The following KLK11 variants were observed in gnomAD, a reference collection of about 807,000 sequenced individuals.
KLK11 encodes kallikrein related peptidase 11.
In KLK11, 10 loss-of-function variants were observed where a neutral mutation model predicts 23.4. The ratio of observed to expected loss-of-function variants is 0.43; its 90% CI spans 0.26 to 0.73. The LOEUF is 0.73. Among genes scored for constraint, KLK11 ranks in the 30% least tolerant of loss-of-function variants. The pLI, the probability that KLK11 is intolerant of heterozygous loss-of-function variation, is 0.22. For synonymous variants in KLK11, 131 were observed against 131.7 expected, an observed-to-expected ratio of 0.99 and a Z score of 0.03; for missense variants, 285 against 327.8, an observed-to-expected ratio of 0.87 and a Z score of 1.01.
chr19:51,022,422 G>T lies in KLK11; in HGVS notation c.*123C>A. 1 of 1,133,270 alleles carries T rather than the reference G, an allele frequency of 8.8e-7. No homozygotes were observed. The highest frequency in any genetic ancestry group is 1.3e-6 in the Non-Finnish European group (1 of 756,804). 70.2% of individuals were successfully genotyped at this position (1,133,270 alleles called of 1,614,324 possible). On this transcript the variant is annotated 3_prime_UTR_variant, in exon 6 of 6. Coordinates refer to ENST00000453757, the MANE Select transcript of KLK11 (RefSeq NM_001136032.3). ...TTATTAAGTGACAGCATCTCCTGTA[G>T]TCCAGGAGGCCCAAAGAATGTTCGT... is the stretch of plus-strand genomic sequence containing the variant.
rs760859432 is a variant in KLK11, at chr19:51,022,630, G to A, written c.668C>T (p.Pro223Leu). 2.2e-5 allele frequency: 36 copies of A among 1,613,768 alleles called. No individual in the cohort carries two copies. Among genetic ancestry groups the A allele is most frequent in the Middle Eastern group, 1.7e-4 (1 of 5,760 alleles). Residue 223 changes from proline to leucine, a missense_variant, in exon 6 of 6, where the codon CCG (proline) becomes CTG (leucine). Coordinates refer to ENST00000453757, the MANE Select transcript of KLK11 (RefSeq NM_001136032.3). ...LQGIISWGQDPCAITRKPGVY... is the reference protein window; with the variant it reads ...LQGIISWGQDLCAITRKPGVY... The stretch of plus-strand genomic sequence containing the variant: ...ACCAGGCTTTCGGGTGATCGCACAC[G>A]GATCCTGGCCCCAGGAGATAATGCC...
At chr19:51,026,645 G>A, upstream of KLK11, 2 of 982,814 alleles carry the variant, frequency 2.0e-6, no homozygotes, top group Non-Finnish European at 2.4e-6. Context: ...CACCAGGCAG[G>A]CGGGCTGGCA....
upstream of KLK11, chr19:51,027,426 C>G: frequency 6.2e-7 from 1 of 1,611,670 alleles, no homozygotes; most frequent in Non-Finnish European, 8.5e-7. Context: ...TCCCTGCCGC[C>G]CAGGCAGCCC....
rs984074861 is a variant in KLK11 at position 51,024,930 on chromosome 19, C to T, written c.41-136G>A. On this transcript the variant is annotated intron_variant, in intron 2 of 5. Coordinates refer to ENST00000453757, the MANE Select transcript of KLK11 (RefSeq NM_001136032.3). This position sits in a 1 kb window ranked among gnomAD's most constrained non-coding sequence, Gnocchi z 6.2. ...CTGGTCTGGTGTCCCTCTGGGTTGC[C>T]CTGGATGCTGGGGTCGGGTATTAAA... 25 of 784,078 alleles carry T rather than the reference C, an allele frequency of 3.2e-5. No homozygotes were observed. Among genetic ancestry groups the T allele is most frequent in the Middle Eastern group, 2.6e-4 (1 of 3,918 alleles). 48.6% of individuals were successfully genotyped at this position (784,078 alleles called of 1,614,324 possible).
intron 5 of KLK11, 22 bp downstream of exon 5, chr19:51,023,070 T>A: frequency 6.3e-7 from 1 of 1,589,470 alleles, no homozygotes; most frequent in Non-Finnish European, 8.6e-7. Context: ...GGGATGGGGC[T>A]GTGGTTGGAG....
rs770925433 is a variant in KLK11, at chr19:51,024,369, A to G, written c.198-59T>C. 6.3e-7 allele frequency: 1 copy of G among 1,587,618 alleles called. No individual in the cohort carries two copies. The highest frequency in any genetic ancestry group is 1.7e-5 in the Admixed American group (1 of 59,522). On this transcript the variant is annotated intron_variant, in intron 3 of 5. Coordinates refer to ENST00000453757, the MANE Select transcript of KLK11 (RefSeq NM_001136032.3). This position sits in a 1 kb window ranked among gnomAD's most constrained non-coding sequence, Gnocchi z 6.2. ...AGGTCGGGGGAGACATGGGTGGGAGAGGTGAGTGACACCTTTGAGGATGAA... is the reference window on the plus strand; with the variant it reads ...AGGTCGGGGGAGACATGGGTGGGAGGGGTGAGTGACACCTTTGAGGATGAA...
chr19:51,027,214 T>G, upstream of KLK11: 1 of 519,622 alleles, frequency 1.9e-6, no homozygotes, highest in Non-Finnish European at 3.4e-6. Context: ...TCCCTTCTCC[T>G]TTGCAAGGAG....
rs751651055 is a variant in KLK11 at position 51,025,639 on chromosome 19, A to AG, written c.-9dup. On this transcript the variant is annotated 5_prime_UTR_variant, in exon 2 of 6. Coordinates refer to ENST00000453757, the MANE Select transcript of KLK11 (RefSeq NM_001136032.3). This position sits in a 1 kb window ranked among gnomAD's most constrained non-coding sequence, Gnocchi z 6.2. ...TAACTGCAGAATCCTCATGGCCTGGAGGGGGGAGGAGCGGGCCCCAGGTTC... is the reference window on the plus strand; with the variant it reads ...TAACTGCAGAATCCTCATGGCCTGGAGGGGGGGAGGAGCGGGCCCCAGGTTC... 2.5e-6 allele frequency: 4 copies of AG among 1,575,154 alleles called. No individual in the cohort carries two copies. In the African/African-American group the frequency reaches 4.1e-5, roughly 16 times the overall value.
rs2091413917 is a variant in KLK11, at chr19:51,022,357, A to G, written c.*188T>C. The G allele has an allele frequency of 3.1e-6, 2 of 636,908 alleles. No individual in the cohort carries two copies. Among genetic ancestry groups the G allele is most frequent in the Admixed American group, 2.8e-5 (1 of 36,068 alleles). 39.5% of individuals were successfully genotyped at this position (636,908 alleles called of 1,614,324 possible). ...CAGAGTCACAATATTTCAAGGCAGA[A>G]TTTGAATCCAGGTCTCACTGATTTC... On this transcript the variant is annotated 3_prime_UTR_variant, in exon 6 of 6. Coordinates refer to ENST00000453757, the MANE Select transcript of KLK11 (RefSeq NM_001136032.3).
chr19:51,025,640 G>C lies in KLK11; in HGVS notation c.-9C>G. The C allele has an allele frequency of 3.2e-6, 5 of 1,585,290 alleles. No homozygotes were observed. The highest frequency in any genetic ancestry group is 2.3e-5 in the East Asian group (1 of 42,810). ...AACTGCAGAATCCTCATGGCCTGGA[G>C]GGGGGAGGAGCGGGCCCCAGGTTCC... On this transcript the variant is annotated 5_prime_UTR_variant, in exon 2 of 6. Coordinates refer to ENST00000453757, the MANE Select transcript of KLK11 (RefSeq NM_001136032.3). The surrounding 1 kb of genome is among the most constrained non-coding windows in gnomAD (Gnocchi z 6.2).
Position 51,024,540 on chromosome 19 carries a change from C to G in KLK11, c.197+98G>C, listed in dbSNP as rs576365923. 3 of 1,345,042 alleles carry G rather than the reference C, an allele frequency of 2.2e-6. No homozygotes were observed. Among genetic ancestry groups the G allele is most frequent in the Middle Eastern group, 2.7e-4 (1 of 3,740 alleles). 83.3% of individuals were successfully genotyped at this position (1,345,042 alleles called of 1,614,324 possible). ...TTGCTGACACTACCCATCCCCATCT[C>G]TAATCCCCTTACCAGCACCCCTATC... is the stretch of plus-strand genomic sequence containing the variant. On this transcript the variant is annotated intron_variant, in intron 3 of 5. Coordinates refer to ENST00000453757, the MANE Select transcript of KLK11 (RefSeq NM_001136032.3). This position sits in a 1 kb window ranked among gnomAD's most constrained non-coding sequence, Gnocchi z 6.2.
intron 4 of KLK11, chr19:51,023,655 G>C: frequency 4.6e-6 from 1 of 217,872 alleles, no homozygotes. Flanking sequence ...AAAGTGCTGG[G>C]ATTACAGGCG....
chr19:51,023,401 T>TC (rs11368775), intron 4 of KLK11, 173 bp from the exon 5 acceptor site: 10 of 689,130 alleles, frequency 1.5e-5, no homozygotes, highest in Non-Finnish European at 2.1e-5. Flanking sequence ...TTTTTTTTTT[T>TC]CGAGACAGAG....
Position 51,025,653 on chromosome 19 carries a change from G to C in KLK11, c.-22C>G, listed in dbSNP as rs753227093. On this transcript the variant is annotated 5_prime_UTR_variant, in exon 2 of 6. Transcript: ENST00000453757. The surrounding 1 kb of genome is among the most constrained non-coding windows in gnomAD (Gnocchi z 6.2). ...TCATGGCCTGGAGGGGGGAGGAGCG[G>C]GCCCCAGGTTCCTCTGGGAACAAGG... The C allele has an allele frequency of 3.8e-6, 6 of 1,578,376 alleles. No individual in the cohort carries two copies. In the African/African-American group the frequency reaches 8.2e-5, roughly 21 times the overall value.
At chr19:51,023,961 C>T in intron 4 of KLK11, 84 bp downstream of exon 4, 3 of 1,134,788 alleles carry the variant, frequency 2.6e-6, no homozygotes, top group South Asian at 1.9e-5. Context: ...CTGTGAACCG[C>T]ATCTCTGATG....
rs542303846 is a variant in KLK11, at chr19:51,025,272, GAA to G, written c.40+318_40+319del. 2.1e-5 allele frequency among the ~76,000 whole-genome samples: 3 copies of G among 145,064 alleles called. No individual in the cohort carries two copies. The highest frequency in any genetic ancestry group is 7.5e-5 in the African/African-American group (3 of 39,760). Reference sequence around the variant, plus strand: ...CAATAGAGCAAGACTTTGTCTCTGGGAAAAAAAAAAAAGGAAATACTTCCATA... The same window carrying G: ...CAATAGAGCAAGACTTTGTCTCTGGGAAAAAAAAAAGGAAATACTTCCATA... On this transcript the variant is annotated intron_variant, in intron 2 of 5. Transcript: ENST00000453757. The surrounding 1 kb of genome is among the most constrained non-coding windows in gnomAD (Gnocchi z 6.2).
chr19:51,023,310 G>A (rs2091430682), intron 4 of KLK11, 82 bp from the exon 5 acceptor site: 2 of 1,532,352 alleles, frequency 1.3e-6, no homozygotes, highest in Non-Finnish European at 1.8e-6. Context: ...TCCCGCCCCT[G>A]GGGGAATCCC....
Position 51,024,155 on chromosome 19 carries a change from G to A in KLK11, c.353C>T (p.Ser118Leu). 4 of 1,613,248 alleles carry A rather than the reference G, an allele frequency of 2.5e-6. No homozygotes were observed. Among genetic ancestry groups the A allele is most frequent in the African/African-American group, 1.3e-5 (1 of 74,998 alleles). ...RNDIMLVKMA[S>L]PVSITWAVRP... ...CACAGCCCAGGTGATGGAGACTGGCGATGCCATCTTCACCAGCATGATGTC... is the reference window on the plus strand; with the variant it reads ...CACAGCCCAGGTGATGGAGACTGGCAATGCCATCTTCACCAGCATGATGTC... The change falls in exon 4 of 6, where the codon TCG becomes TTG. Residue 118 changes from serine (S) to leucine (L), a missense_variant. Physicochemically the swap from Ser to Leu is moderately radical, Grantham distance 145. Coordinates refer to ENST00000453757, the MANE Select transcript of KLK11 (RefSeq NM_001136032.3). This position sits in a 1 kb window ranked among gnomAD's most constrained non-coding sequence, Gnocchi z 6.2.
Position 51,024,579 on chromosome 19 carries a change from C to T in KLK11, c.197+59G>A. ...AGCACCCCTATCCCTGAGCTTCTCT[C>T]CATCCATCTCCCCATTCCCAGCCCC... On this transcript the variant is annotated intron_variant, in intron 3 of 5. Coordinates refer to ENST00000453757, the MANE Select transcript of KLK11 (RefSeq NM_001136032.3). This position sits in a 1 kb window ranked among gnomAD's most constrained non-coding sequence, Gnocchi z 6.2. 61 of 1,437,830 alleles carry T rather than the reference C, an allele frequency of 4.2e-5. No homozygotes were observed. The South Asian group carries it at 8.2e-4, about 19-fold the overall frequency. 89.1% of individuals were successfully genotyped at this position (1,437,830 alleles called of 1,614,324 possible).
Sources: allele counts gnomAD v4.1 joint callset (sites outside exome capture counted in the v4.1 genomes callset), GRCh38; gene constraint gnomAD v4.1.1; non-coding constraint Gnocchi (gnomAD v3.1); transcripts MANE v1.5; gene names NCBI Gene and HGNC (gene_info 2026-07-23, HGNC 2026-07-21).